ULK4: variants seen among roughly 807,000 people sequenced by gnomAD.
ULK4 encodes the protein unc-51 like kinase 4.
ULK4 carries 133 observed loss-of-function variants against 160.6 expected under a neutral mutation model. That is an observed-to-expected ratio of 0.83 (90% confidence interval 0.72 to 0.96). ULK4 has a LOEUF of 0.96. Among genes scored for constraint, ULK4 ranks in the 40% least tolerant of loss-of-function variants. ULK4 has a pLI of 0.00. For synonymous variants in ULK4, 534 were observed against 539.8 expected, an observed-to-expected ratio of 0.99 and a Z score of 0.15; for missense variants, 1,580 against 1,499.5, an observed-to-expected ratio of 1.05 and a Z score of -0.89.
intron 18 of ULK4, among the ~76,000 whole-genome samples, chr3:41,820,735 C>A (rs1484340939): frequency 6.6e-6 from 1 of 152,066 alleles, no homozygotes; most frequent in African/African-American, 2.4e-5. Flanking sequence ...ATCATCCAAT[C>A]TATTCATGTA....
At chr3:41,529,377 G>A (rs753127061) in intron 32 of ULK4, among the ~76,000 whole-genome samples, 34 of 152,118 alleles carry the variant, frequency 2.2e-4, no homozygotes, top group Admixed American at 1.3e-3. Flanking sequence ...AGCAAATAGG[G>A]GCGATTTGTT....
intron 32 of ULK4, among the ~76,000 whole-genome samples, chr3:41,522,884 A>C (rs2085982203): frequency 6.6e-6 from 1 of 152,150 alleles, no homozygotes. Flanking sequence ...GTGAAAAAAC[A>C]GTCAACAGAT....
At chr3:41,696,689 C>T (rs929092155) in intron 27 of ULK4, among the ~76,000 whole-genome samples, 1 of 152,144 alleles carries the variant, frequency 6.6e-6, no homozygotes, top group Non-Finnish European at 1.5e-5. Context: ...TCCTGATCTC[C>T]AGAACCTTCA....
At chr3:41,912,996 G>A in intron 8 of ULK4, 97 bp from the exon 9 acceptor site, 2 of 970,718 alleles carry the variant, frequency 2.1e-6, no homozygotes, top group South Asian at 3.0e-5. Context: ...ATTTTACAAG[G>A]TACACATGTA....
chr3:41,358,231 A>G (rs1220058720), intron 35 of ULK4, among the ~76,000 whole-genome samples: 1 of 152,192 alleles, frequency 6.6e-6, no homozygotes, highest in Admixed American at 6.5e-5. Flanking sequence ...TACTTTACAA[A>G]AACTACTCAT....
chr3:41,455,518 CAGGTCTGTCAG>C lies in ULK4; in HGVS notation c.3460_3470del (p.Leu1154AspfsTer2). 6.2e-7 allele frequency: 1 copy of C among 1,614,026 alleles called. No individual in the cohort carries two copies. Among genetic ancestry groups the C allele is most frequent in the East Asian group, 2.2e-5 (1 of 44,864 alleles). ...TTACCAGTGGAATGAGCAGGCTAAT[CAGGTCTGTCAG>C]AGGTCTGTTGAGCAGCAGCAGGTCT... On this transcript the variant is annotated frameshift_variant, in exon 34 of 37. Coordinates refer to ENST00000301831, the MANE Select transcript of ULK4 (RefSeq NM_017886.4). LOFTEE classifies it high-confidence loss of function.
intron 17 of ULK4, among the ~76,000 whole-genome samples, chr3:41,877,547 G>A (rs369809137): frequency 1.7e-3 from 264 of 151,952 alleles, no homozygotes; most frequent in African/African-American, 5.5e-3. Context: ...AGCTGGTCTC[G>A]AACGCCTGAA....
At chr3:41,495,737 A>C (rs1481170308) in intron 32 of ULK4, among the ~76,000 whole-genome samples, 2 of 151,844 alleles carry the variant, frequency 1.3e-5, no homozygotes, top group Admixed American at 1.3e-4. Flanking sequence ...TACAAGAAAA[A>C]AACAAACAAC....
chr3:41,381,426 A>C (rs2081649780), intron 35 of ULK4, among the ~76,000 whole-genome samples: 1 of 152,206 alleles, frequency 6.6e-6, no homozygotes, highest in South Asian at 2.1e-4. Flanking sequence ...TGCCATTTCC[A>C]GATGGATGTT....
At chr3:41,498,188 A>T (rs936031240) in intron 32 of ULK4, among the ~76,000 whole-genome samples, 2 of 152,226 alleles carry the variant, frequency 1.3e-5, no homozygotes, top group African/African-American at 4.8e-5. Context: ...AAAAAACTGA[A>T]ATGTTTGAGT....
At chr3:41,661,332 A>G (rs987493403) in intron 30 of ULK4, among the ~76,000 whole-genome samples, 1 of 152,194 alleles carries the variant, frequency 6.6e-6, no homozygotes, top group Non-Finnish European at 1.5e-5. Context: ...ACAGAATGAT[A>G]CTATCTAGGT....
At chr3:41,788,698 A>G (rs2040065990) in intron 21 of ULK4, among the ~76,000 whole-genome samples, 1 of 148,344 alleles carries the variant, frequency 6.7e-6, no homozygotes, top group Non-Finnish European at 1.5e-5. Flanking sequence ...TCAAAAAAAA[A>G]AGAAAAAAAG....
intron 27 of ULK4, among the ~76,000 whole-genome samples, chr3:41,699,906 C>T (rs187025836): frequency 6.6e-6 from 1 of 152,162 alleles, no homozygotes; most frequent in Non-Finnish European, 1.5e-5. Flanking sequence ...GCTTGCATTT[C>T]ATATGATTAG....
intron 35 of ULK4, among the ~76,000 whole-genome samples, chr3:41,392,355 C>G (rs1314594791): frequency 2.6e-5 from 4 of 152,122 alleles, no homozygotes; most frequent in African/African-American, 4.8e-5. Flanking sequence ...TCTCCATTAA[C>G]AGAAATTAAA....
intron 22 of ULK4, among the ~76,000 whole-genome samples, chr3:41,722,664 A>T (rs2037514245): frequency 6.6e-6 from 1 of 151,896 alleles, no homozygotes; most frequent in African/African-American, 2.4e-5. Flanking sequence ...AAATTAAAAT[A>T]AAATGAAAGA....
At chr3:41,961,550 A>ACCCCCCCT (rs1700669869) in intron 1 of ULK4, among the ~76,000 whole-genome samples, 12 of 124,672 alleles carry the variant, frequency 9.6e-5, no homozygotes, top group African/African-American at 3.8e-4. Flanking sequence ...GTAGTCACTC[A>ACCCCCCCT]CCCCCCCCCC....
chr3:41,359,750 G>A (rs1271555451), intron 35 of ULK4, among the ~76,000 whole-genome samples: 1 of 151,954 alleles, frequency 6.6e-6, no homozygotes, highest in Non-Finnish European at 1.5e-5. Flanking sequence ...TTAAAGGTGG[G>A]TGATATCCAT....
chr3:41,798,921 AGAAG>A (rs2040377271), intron 20 of ULK4, among the ~76,000 whole-genome samples: 1 of 152,194 alleles, frequency 6.6e-6, no homozygotes, highest in Admixed American at 6.5e-5. Context: ...CTCTGAAAAG[AGAAG>A]GAACAGCTTG....
intron 32 of ULK4, among the ~76,000 whole-genome samples, chr3:41,494,536 C>T (rs981575751): frequency 6.6e-6 from 1 of 151,460 alleles, no homozygotes; most frequent in African/African-American, 2.4e-5. Context: ...GGGATGCCCT[C>T]TCTCACCACT....
Sources: allele counts gnomAD v4.1 joint callset (sites outside exome capture counted in the v4.1 genomes callset), GRCh38; gene constraint gnomAD v4.1.1; transcripts MANE v1.5; gene names NCBI Gene and HGNC (gene_info 2026-07-23, HGNC 2026-07-21).